The following GNG3 variants were observed in gnomAD, a reference collection of about 807,000 sequenced individuals.
GNG3 encodes the protein guanine nucleotide-binding protein G(I)/G(S)/G(O) subunit gamma-3.
GNG3 carries 4 observed loss-of-function variants against 5.6 expected under a neutral mutation model. That is an observed-to-expected ratio of 0.71 (90% CI 0.35 to 1.63). The LOEUF is 1.63. Among genes scored for constraint, GNG3 ranks in the 40% most tolerant of loss-of-function variants. GNG3 has a pLI of 0.05. For synonymous variants in GNG3, 30 were observed against 33.5 expected, an observed-to-expected ratio of 0.89 and a Z score of 0.36; for missense variants, 62 against 96.6, an observed-to-expected ratio of 0.64 and a Z score of 1.50.
rs2083585241 is a variant in GNG3, at chr11:62,708,782, G to A, written c.204G>A (p.Lys68=). The change falls in exon 3 of 3, where the codon AAG becomes AAA. Residue 68 remains lysine (K), a synonymous_variant. Coordinates refer to ENST00000294117, the MANE Select transcript of GNG3 (RefSeq NM_012202.5). ...CTTCGGAGAACCCCTTCCGGGAGAAGAAGTTCTTCTGTGCTCTCCTCTGAG... is the reference window on the plus strand; with the variant it reads ...CTTCGGAGAACCCCTTCCGGGAGAAAAAGTTCTTCTGTGCTCTCCTCTGAG... ...VPTSENPFRE[K]KFFCALL The A allele has an allele frequency of 1.9e-6, 3 of 1,613,938 alleles. No individual in the cohort carries two copies. In the African/African-American group the frequency reaches 4.0e-5, roughly 22 times the overall value.
In GNG3 at chr11:62,709,074, TCCTGC is replaced by T; in HGVS notation, c.*271_*275del. The stretch of plus-strand genomic sequence containing the variant: ...GGCCCCGTCAGACTCTGCCAGCGCG[TCCTGC>T]CCGCTTCCCTCGGTGACCTGCTCAG... On this transcript the variant is annotated 3_prime_UTR_variant, in exon 3 of 3. Coordinates refer to ENST00000294117, the MANE Select transcript of GNG3 (RefSeq NM_012202.5). The T allele has an allele frequency of 2.0e-6, 1 of 495,072 alleles. No individual in the cohort carries two copies. Among genetic ancestry groups the T allele is most frequent in the Non-Finnish European group, 3.8e-6 (1 of 261,304 alleles). 30.7% of individuals were successfully genotyped at this position (495,072 alleles called of 1,614,324 possible). A position where few individuals can be genotyped will look rare whatever the true frequency, so the allele number is the denominator to read the frequency against.
chr11:62,707,376 A>G (rs769169637), upstream of GNG3: 4 of 717,488 alleles, frequency 5.6e-6, no homozygotes, highest in Non-Finnish European at 7.5e-6. Context: ...GAGTAGAGGG[A>G]GGAAAGGAGG....
At chr11:62,707,070 C>A (rs1002299839), upstream of GNG3, 2 of 1,521,448 alleles carry the variant, frequency 1.3e-6, no homozygotes, top group Non-Finnish European at 1.8e-6. Context: ...CACCTATTTC[C>A]AGTATATTTC....
At chr11:62,708,418 C>T in intron 2 of GNG3, 24 bp downstream of exon 2, 1 of 1,528,098 alleles carries the variant, frequency 6.5e-7, no homozygotes. Flanking sequence ...TGGCTGGCTC[C>T]CATTAGTTGG....
chr11:62,707,447 T>C, upstream of GNG3: 1 of 693,606 alleles, frequency 1.4e-6, no homozygotes. Flanking sequence ...CCGCAGCCAG[T>C]ACAGACTCCA....
rs1283549995 is a variant in GNG3, at chr11:62,708,548, T to TG, written c.100-123dup. 2.8e-5 allele frequency: 39 copies of TG among 1,380,822 alleles called. No homozygotes were observed. In the Admixed American group the frequency reaches 3.6e-4, roughly 13 times the overall value. The allele number at this position is 1,380,822 out of a possible 1,614,324, so 85.5% of individuals were successfully genotyped here. On this transcript the variant is annotated intron_variant, in intron 2 of 2. Coordinates refer to ENST00000294117, the MANE Select transcript of GNG3 (RefSeq NM_012202.5). The stretch of plus-strand genomic sequence containing the variant: ...GTAGAGAGAGCTGTCCCCAGGCCTC[T>TG]GGGGGGGATGAGGGAGAAGACAAGT...
upstream of GNG3, chr11:62,707,502 G>C (rs1040322115): frequency 4.7e-6 from 3 of 637,612 alleles, no homozygotes; most frequent in Non-Finnish European, 8.5e-6. Context: ...TTGAGAGGGG[G>C]AGTCGGCCTT....
chr11:62,706,561 A>G (rs557894475), upstream of GNG3: 103 of 464,070 alleles, frequency 2.2e-4, 1 homozygote, highest in South Asian at 1.6e-3. Context: ...CGCTGACTGC[A>G]GCCTCCGCTC....
At chr11:62,708,528 G>C in intron 2 of GNG3, 134 bp downstream of exon 2, 1 of 1,261,490 alleles carries the variant, frequency 7.9e-7, no homozygotes, top group Non-Finnish European at 1.1e-6. Context: ...GCTCTGTAGA[G>C]AGAGCTGTCC....
Position 62,708,977 on chromosome 11 carries a change from T to G in GNG3, c.*171T>G. 1.6e-6 allele frequency: 1 copy of G among 632,682 alleles called. No homozygotes were observed. The highest frequency in any genetic ancestry group is 2.8e-6 in the Non-Finnish European group (1 of 354,134). 39.2% of individuals were successfully genotyped at this position (632,682 alleles called of 1,614,324 possible). A position where few individuals can be genotyped will look rare whatever the true frequency, so the allele number is the denominator to read the frequency against. On this transcript the variant is annotated 3_prime_UTR_variant, in exon 3 of 3. Transcript: ENST00000294117. The stretch of plus-strand genomic sequence containing the variant: ...CACCCTCACCTATCTGTCGACCCCA[T>G]TTCCTACCACCTTTGTGGCCGACCC...
At chr11:62,706,524 A>T (rs1787927799), upstream of GNG3, 2 of 441,976 alleles carry the variant, frequency 4.5e-6, no homozygotes, top group Non-Finnish European at 9.1e-6. Context: ...GCCTCCCTGC[A>T]GGCCCCAAGA....
Position 62,708,276 on chromosome 11 carries a change from A to C in GNG3, c.-1-19A>C. On this transcript the variant is annotated intron_variant, in intron 1 of 2. Coordinates refer to ENST00000294117, the MANE Select transcript of GNG3 (RefSeq NM_012202.5). Reference sequence around the variant, plus strand: ...CCTCCAGCTGAGACTGTGCTCTGAGAGGTCCCTCTTTTTTCCAGGATGAAA... The same window carrying C: ...CCTCCAGCTGAGACTGTGCTCTGAGCGGTCCCTCTTTTTTCCAGGATGAAA... 2 of 1,515,688 alleles carry C rather than the reference A, an allele frequency of 1.3e-6. No homozygotes were observed. Among genetic ancestry groups the C allele is most frequent in the Non-Finnish European group, 1.8e-6 (2 of 1,089,800 alleles). 93.9% of individuals were successfully genotyped at this position (1,515,688 alleles called of 1,614,324 possible).
chr11:62,708,717 G>A lies in GNG3; in HGVS notation c.139G>A (p.Ala47Thr), dbSNP rs1412355558. The change falls in exon 3 of 3, where the codon GCC becomes ACC. Residue 47 changes from alanine (A) to threonine (T), a missense_variant. Around this residue, in one of 2 missense-constraint regions of GNG3, gnomAD observed 58 missense variants for 75.4 expected, o/e 0.77. Transcript: ENST00000294117. ...AAADLMTYCD[A>T]HACEDPLITP... The stretch of plus-strand genomic sequence containing the variant: ...AGCAGACCTGATGACTTACTGTGAT[G>A]CCCACGCCTGTGAGGATCCCCTCAT... 5.0e-6 allele frequency: 8 copies of A among 1,613,916 alleles called. 2 individuals are homozygous for A. In the South Asian group the frequency reaches 5.5e-5, roughly 11 times the overall value.
chr11:62,706,543 AG>A, upstream of GNG3: 1 of 459,804 alleles, frequency 2.2e-6, no homozygotes, highest in Non-Finnish European at 4.4e-6. Flanking sequence ...GATGTGCCCC[AG>A]GGGATGCGCT....
At position 62,708,902 on chromosome 11, in the gene GNG3, C is replaced by A; in HGVS notation, c.*96C>A. ...GTGAGCCCCTTAGGCTCCTTGCATC[C>A]CATCCCTAACCCTTGCCTGACCATG... On this transcript the variant is annotated 3_prime_UTR_variant, in exon 3 of 3. Transcript: ENST00000294117. The A allele has an allele frequency of 1.1e-6, 1 of 899,026 alleles. No individual in the cohort carries two copies. The highest frequency in any genetic ancestry group is 1.8e-6 in the Non-Finnish European group (1 of 553,870). 55.7% of individuals were successfully genotyped at this position (899,026 alleles called of 1,614,324 possible).
Position 62,709,055 on chromosome 11 carries a change from G to C in GNG3, c.*249G>C, listed in dbSNP as rs1162572912. The C allele has an allele frequency of 5.9e-6, 3 of 506,962 alleles. No homozygotes were observed. Among genetic ancestry groups the C allele is most frequent in the South Asian group, 1.9e-5 (1 of 53,936 alleles). 31.4% of individuals were successfully genotyped at this position (506,962 alleles called of 1,614,324 possible). ...TTTGCTCCACCCACAGCAGGGCCCC[G>C]TCAGACTCTGCCAGCGCGTCCTGCC... is the stretch of plus-strand genomic sequence containing the variant. On this transcript the variant is annotated 3_prime_UTR_variant, in exon 3 of 3. Transcript: ENST00000294117.
chr11:62,708,543 G>C, intron 2 of GNG3, 135 bp from the exon 3 acceptor site: 1 of 1,320,010 alleles, frequency 7.6e-7, no homozygotes, highest in Non-Finnish European at 1.1e-6. Context: ...CTGTCCCCAG[G>C]CCTCTGGGGG....
chr11:62,708,290 T>A lies in GNG3; in HGVS notation c.-1-5T>A, dbSNP rs1262252075. On this transcript the variant is annotated splice_polypyrimidine_tract_variant and splice_region_variant and intron_variant, in intron 1 of 2. Coordinates refer to ENST00000294117, the MANE Select transcript of GNG3 (RefSeq NM_012202.5). ...TGTGCTCTGAGAGGTCCCTCTTTTT[T>A]CCAGGATGAAAGGTGAGACCCCGGT... The A allele has an allele frequency of 4.4e-6, 7 of 1,598,332 alleles. No homozygotes were observed. Among genetic ancestry groups the A allele is most frequent in the Non-Finnish European group, 5.1e-6 (6 of 1,165,518 alleles).
At chr11:62,707,388 G>C, upstream of GNG3, 1 of 709,722 alleles carries the variant, frequency 1.4e-6, no homozygotes, top group East Asian at 2.7e-5. Flanking sequence ...GAAAGGAGGA[G>C]GGGGGCGACT....
Sources: allele counts gnomAD v4.1 joint callset, GRCh38; gene constraint gnomAD v4.1.1; regional missense constraint gnomAD v4.1.1; transcripts MANE v1.5; gene names NCBI Gene and HGNC (gene_info 2026-07-23, HGNC 2026-07-21).